The following PDCD1 variants were observed in gnomAD, a reference collection of about 807,000 sequenced individuals.
PDCD1 encodes programmed cell death protein 1.
Under a neutral mutation model 23.6 loss-of-function variants are expected in PDCD1, and 10 were observed. That is an observed-to-expected ratio of 0.42 (90% CI 0.26 to 0.72). PDCD1 has a LOEUF of 0.72. Ranked by LOEUF, PDCD1 falls within the 30% of genes least tolerant of loss-of-function variation. PDCD1 has a pLI of 0.24. For synonymous variants in PDCD1, 168 were observed against 169.3 expected (o/e 0.99, Z 0.06); for missense variants, 313 against 397.8 (o/e 0.79, Z 1.81).
intron 1 of PDCD1, among the ~76,000 whole-genome samples, chr2:241,853,273 C>A (rs1700948463): frequency 6.6e-6 from 1 of 152,208 alleles, no homozygotes; most frequent in South Asian, 2.1e-4. Flanking sequence ...CCAGTTCCCC[C>A]AGAAAGGGCT....
Position 241,851,076 on chromosome 2 carries a change from G to C in PDCD1, c.849C>G (p.His283Gln). 6.2e-7 allele frequency: 1 copy of C among 1,612,546 alleles called. No homozygotes were observed. Among genetic ancestry groups the C allele is most frequent in the Non-Finnish European group, 8.5e-7 (1 of 1,179,612 alleles). ...SAQPLRPEDG[H>Q]CSWPL ...AAGCCGGTCAGAGGGGCCAAGAGCA[G>C]TGTCCATCCTCAGGCCTCAGTGGCT... The change falls in exon 5 of 5, where the codon CAC (histidine) becomes CAG (glutamine). Residue 283 changes from histidine (H) to glutamine (Q), a missense_variant. His to Gln is a conservative substitution (Grantham distance 24). Coordinates refer to ENST00000334409, the MANE Select transcript of PDCD1 (RefSeq NM_005018.3).
In PDCD1 at chr2:241,850,878, T is replaced by C; in HGVS notation, c.*180A>G. On this transcript the variant is annotated 3_prime_UTR_variant, in exon 5 of 5. Transcript: ENST00000334409. ...TGGGCTCACTGTGGGCATTGAGACA[T>C]GAGTCCTGTGGTGGGGCTGTGCCTG... 2.8e-6 allele frequency: 2 copies of C among 726,562 alleles called. No individual in the cohort carries two copies. Among genetic ancestry groups the C allele is most frequent in the Middle Eastern group, 3.9e-4 (1 of 2,542 alleles). The allele number at this position is 726,562 out of a possible 1,614,324, so 45.0% of individuals were successfully genotyped here. A position where few individuals can be genotyped will look rare whatever the true frequency, so the allele number is the denominator to read the frequency against.
At position 241,850,942 on chromosome 2, in the gene PDCD1, G is replaced by T; in HGVS notation, c.*116C>A. On this transcript the variant is annotated 3_prime_UTR_variant, in exon 5 of 5. Transcript: ENST00000334409. The stretch of plus-strand genomic sequence containing the variant: ...CTGGAGCCCCGGTCGCCCCCAGGCA[G>T]CTCAGCCCCTGGACGGCCTGCAATG... 2.2e-6 allele frequency: 3 copies of T among 1,367,138 alleles called. No individual in the cohort carries two copies. The highest frequency in any genetic ancestry group is 3.0e-6 in the Non-Finnish European group (3 of 1,016,044). The allele number at this position is 1,367,138 out of a possible 1,614,324, so 84.7% of individuals were successfully genotyped here. A position where few individuals can be genotyped will look rare whatever the true frequency, so the allele number is the denominator to read the frequency against.
chr2:241,857,309 G>A (rs564289167), intron 1 of PDCD1, among the ~76,000 whole-genome samples: 2 of 152,338 alleles, frequency 1.3e-5, no homozygotes, highest in Admixed American at 6.5e-5. Context: ...TGGGGAAACC[G>A]AGGCATGCCA....
rs56111033 is a variant in PDCD1, at chr2:241,850,931, GC to G, written c.*126del. On this transcript the variant is annotated 3_prime_UTR_variant, in exon 5 of 5. Coordinates refer to ENST00000334409, the MANE Select transcript of PDCD1 (RefSeq NM_005018.3). The stretch of plus-strand genomic sequence containing the variant: ...GCAGGTGCAGGCTGGAGCCCCGGTC[GC>G]CCCCAGGCAGCTCAGCCCCTGGACG... 5.1e-4 allele frequency: 627 copies of G among 1,233,388 alleles called. No individual in the cohort carries two copies. Among genetic ancestry groups the G allele is most frequent in the Non-Finnish European group, 6.5e-4 (586 of 900,928 alleles). The allele number at this position is 1,233,388 out of a possible 1,614,324, so 76.4% of individuals were successfully genotyped here.
chr2:241,851,694 C>T (rs997423153), intron 4 of PDCD1, among the ~76,000 whole-genome samples: 7 of 148,680 alleles, frequency 4.7e-5, no homozygotes, highest in Non-Finnish European at 7.4e-5. Flanking sequence ...GGCGGGCACA[C>T]GCGTGGGCCA....
intron 1 of PDCD1, among the ~76,000 whole-genome samples, chr2:241,855,584 G>A (rs1017751085): frequency 6.6e-6 from 1 of 152,186 alleles, no homozygotes; most frequent in East Asian, 1.9e-4. Context: ...AGCCCATCCC[G>A]GGGCTGTGGA....
Position 241,851,231 on chromosome 2 carries a change from C to T in PDCD1, c.694G>A (p.Glu232Lys), listed in dbSNP as rs2124856449. The change falls in exon 5 of 5, where the codon GAG becomes AAG. Residue 232 changes from glutamate to lysine, a missense_variant. This residue lies in a region of PDCD1 where 158 missense variants were observed against 177.5 expected (regional missense o/e 0.89). Coordinates refer to ENST00000334409, the MANE Select transcript of PDCD1 (RefSeq NM_005018.3). ...GGCACGGGGGGCTCCGGGGTCTTCTCTCGCCACTGGAAATCCAGCTCCCCA... is the reference window on the plus strand; with the variant it reads ...GGCACGGGGGGCTCCGGGGTCTTCTTTCGCCACTGGAAATCCAGCTCCCCA... The part of the protein sequence containing the change: ...DYGELDFQWR[E>K]KTPEPPVPCV... 6.2e-7 allele frequency: 1 copy of T among 1,613,884 alleles called. No homozygotes were observed. Among genetic ancestry groups the T allele is most frequent in the Middle Eastern group, 1.7e-4 (1 of 6,058 alleles).
chr2:241,850,723 GGCAGCAGCAGCA>G lies in PDCD1; in HGVS notation c.*323_*334del, dbSNP rs56029561. ...ACGGCGCCTTCAGCCCCGGGCCGCA[GGCAGCAGCAGCA>G]GCAGCAGCAGCAGCAGCAGAGATTC... On this transcript the variant is annotated 3_prime_UTR_variant, in exon 5 of 5. Coordinates refer to ENST00000334409, the MANE Select transcript of PDCD1 (RefSeq NM_005018.3). 4.1e-5 allele frequency: 24 copies of G among 579,494 alleles called. No individual in the cohort carries two copies. Among genetic ancestry groups the G allele is most frequent in the African/African-American group, 3.5e-4 (19 of 54,898 alleles). 35.9% of individuals were successfully genotyped at this position (579,494 alleles called of 1,614,324 possible). A position where few individuals can be genotyped will look rare whatever the true frequency, so the allele number is the denominator to read the frequency against.
chr2:241,851,094 C>T lies in PDCD1; in HGVS notation c.831G>A (p.Leu277=), dbSNP rs2124855721. 1.2e-6 allele frequency: 2 copies of T among 1,613,102 alleles called. No individual in the cohort carries two copies. The highest frequency in any genetic ancestry group is 1.7e-6 in the Non-Finnish European group (2 of 1,179,882). The change falls in exon 5 of 5, where the codon CTG becomes CTA. Residue 277 remains leucine, a synonymous_variant. Transcript: ENST00000334409. ...AAGAGCAGTGTCCATCCTCAGGCCT[C>T]AGTGGCTGGGCACTCCGAGGGCCGT... ...SADGPRSAQP[L]RPEDGHCSWP... is the part of the protein sequence containing the mutation.
At chr2:241,856,201 C>G (rs975767570) in intron 1 of PDCD1, among the ~76,000 whole-genome samples, 47 of 152,168 alleles carry the variant, frequency 3.1e-4, no homozygotes, top group African/African-American at 1.1e-3. Flanking sequence ...GCATGTCCAG[C>G]CCCCCACGGC....
intron 3 of PDCD1, 59 bp downstream of exon 3, chr2:241,852,139 G>A: frequency 5.8e-6 from 9 of 1,558,306 alleles, no homozygotes; most frequent in Non-Finnish European, 7.8e-6. Context: ...GGGGAGGCGG[G>A]AGTGAGGGCC....
Position 241,850,700 on chromosome 2 carries a change from G to A in PDCD1, c.*358C>T, listed in dbSNP as rs554320171. ...GCTCCGGGGCGTCAGGCAGGGCCAC[G>A]GCGCCTTCAGCCCCGGGCCGCAGGC... On this transcript the variant is annotated 3_prime_UTR_variant, in exon 5 of 5. Coordinates refer to ENST00000334409, the MANE Select transcript of PDCD1 (RefSeq NM_005018.3). The A allele has an allele frequency of 4.0e-5, 22 of 549,130 alleles. No individual in the cohort carries two copies. Among genetic ancestry groups the A allele is most frequent in the Middle Eastern group, 3.8e-4 (1 of 2,664 alleles). The allele number at this position is 549,130 out of a possible 1,614,324, so 34.0% of individuals were successfully genotyped here. A position where few individuals can be genotyped will look rare whatever the true frequency, so the allele number is the denominator to read the frequency against.
intron 2 of PDCD1, 46 bp downstream of exon 2, chr2:241,852,575 A>G (rs1283750830): frequency 6.3e-7 from 1 of 1,588,560 alleles, no homozygotes; most frequent in Non-Finnish European, 8.6e-7. Context: ...CACCCACCCC[A>G]GGACCGGCTC....
At chr2:241,856,119 C>T (rs4973695) in intron 1 of PDCD1, among the ~76,000 whole-genome samples, 7 of 152,126 alleles carry the variant, frequency 4.6e-5, no homozygotes, top group African/African-American at 1.2e-4. Context: ...GGCCACAAAA[C>T]CCCCCAGCCA....
intron 1 of PDCD1, among the ~76,000 whole-genome samples, chr2:241,855,651 A>G (rs1476810693): frequency 6.6e-6 from 1 of 152,188 alleles, no homozygotes; most frequent in Admixed American, 6.5e-5. Context: ...ATTACAGGAC[A>G]TTGCTTTCCA....
In PDCD1 at chr2:241,850,703, G is replaced by A. The variant is rs41476248; in HGVS notation, c.*355C>T. On this transcript the variant is annotated 3_prime_UTR_variant, in exon 5 of 5. Transcript: ENST00000334409. ...CCGGGGCGTCAGGCAGGGCCACGGC[G>A]CCTTCAGCCCCGGGCCGCAGGCAGC... 1,400 of 539,030 alleles carry A rather than the reference G, an allele frequency of 2.6e-3. 17 individuals carry two copies. Among genetic ancestry groups the A allele is most frequent in the African/African-American group, 0.023 (1,226 of 53,928 alleles). The allele number at this position is 539,030 out of a possible 1,614,324, so 33.4% of individuals were successfully genotyped here.
At chr2:241,851,339 C>T (rs199773825) in intron 4 of PDCD1, 42 bp from the exon 5 acceptor site, 50 of 1,558,802 alleles carry the variant, frequency 3.2e-5, no homozygotes, top group Non-Finnish European at 4.1e-5. Context: ...CACGGCCCAC[C>T]GCAGGAAGGA....
rs1191241839 is a variant in PDCD1 at position 241,850,715 on chromosome 2, G to A, written c.*343C>T. On this transcript the variant is annotated 3_prime_UTR_variant, in exon 5 of 5. Coordinates refer to ENST00000334409, the MANE Select transcript of PDCD1 (RefSeq NM_005018.3). ...GCAGGGCCACGGCGCCTTCAGCCCC[G>A]GGCCGCAGGCAGCAGCAGCAGCAGC... is the stretch of plus-strand genomic sequence containing the variant. 7 of 564,026 alleles carry A rather than the reference G, an allele frequency of 1.2e-5. No individual in the cohort carries two copies. The highest frequency in any genetic ancestry group is 3.7e-5 in the African/African-American group (2 of 54,648). 34.9% of individuals were successfully genotyped at this position (564,026 alleles called of 1,614,324 possible).
Sources: gnomAD v4.1 joint callset for allele counts (sites outside exome capture counted in the v4.1 genomes callset) on GRCh38, gnomAD v4.1.1 for gene constraint, gnomAD v4.1.1 regional missense constraint, MANE v1.5 for transcripts, NCBI Gene and HGNC (gene_info 2026-07-23, HGNC 2026-07-21) for gene names.